Variants in GATAD2A observed in about 807,000 individuals in gnomAD.
The protein encoded by GATAD2A is transcriptional repressor p66-alpha.
In GATAD2A, 12 loss-of-function variants were observed where a neutral mutation model predicts 68.5. The ratio of observed to expected loss-of-function variants is 0.18; its 90% confidence interval spans 0.11 to 0.28. The LOEUF is 0.28. Among genes scored for constraint, GATAD2A ranks in the 10% least tolerant of loss-of-function variants. The pLI is 1.00. For missense variants in GATAD2A, 755 were observed against 868.5 expected (o/e 0.87, Z 1.64); for synonymous variants, 410 against 375.3 (o/e 1.09, Z -1.07).
At chr19:19,402,850 T>C (rs1342859146), upstream of GATAD2A, among the ~76,000 whole-genome samples, 2 of 149,240 alleles carry the variant, frequency 1.3e-5, no homozygotes, top group African/African-American at 2.5e-5. Flanking sequence ...CTTGGCTCAC[T>C]GCAACCTCCG....
intron 1 of GATAD2A, among the ~76,000 whole-genome samples, chr19:19,453,165 C>T (rs1389531246): frequency 2.0e-5 from 3 of 152,146 alleles, no homozygotes; most frequent in Non-Finnish European, 4.4e-5. Flanking sequence ...CCAGGCTGGG[C>T]TTATGCCCCT....
intron 4 of GATAD2A, among the ~76,000 whole-genome samples, chr19:19,493,397 C>T (rs11671253): frequency 0.16 from 23,804 of 152,212 alleles, 1,978 homozygotes; most frequent in Middle Eastern, 0.28. Flanking sequence ...CTGCTGTGTG[C>T]GTCTCAGTCC....
At chr19:19,420,533 G>T (rs1600077703) in intron 1 of GATAD2A, among the ~76,000 whole-genome samples, 2 of 148,350 alleles carry the variant, frequency 1.3e-5, no homozygotes, top group South Asian at 2.1e-4. Flanking sequence ...GTAGAGATGG[G>T]GTTTCACTGT....
chr19:19,443,377 G>C (rs577357202), intron 1 of GATAD2A, among the ~76,000 whole-genome samples: 1 of 152,292 alleles, frequency 6.6e-6, no homozygotes, highest in Admixed American at 6.5e-5. Flanking sequence ...ATGGGAAACA[G>C]GGCAAGCATC....
chr19:19,391,632 CTTG>C (rs1772962149), intron 1 of GATAD2A, among the ~76,000 whole-genome samples: 1 of 152,094 alleles, frequency 6.6e-6, no homozygotes, highest in Admixed American at 6.6e-5. Context: ...GTTTTTTAAA[CTTG>C]TTTTTTTTTA....
intron 1 of GATAD2A, among the ~76,000 whole-genome samples, chr19:19,393,346 GCTTTA>G: frequency 6.6e-6 from 1 of 152,218 alleles, no homozygotes; most frequent in East Asian, 1.9e-4. Context: ...ACACTTAAGA[GCTTTA>G]CTTGTGTGGC....
chr19:19,469,806 G>T (rs1032411306), intron 2 of GATAD2A, among the ~76,000 whole-genome samples: 4 of 152,134 alleles, frequency 2.6e-5, no homozygotes, highest in South Asian at 2.1e-4. Context: ...AATTAGCCAG[G>T]CGTGGTGGCA....
At chr19:19,385,996 C>T (rs2048386293) in exon 1 of GATAD2A, 1 of 150,584 alleles carries the variant, frequency 6.6e-6, no homozygotes, top group African/African-American at 2.4e-5. Flanking sequence ...GGTCGTCTGT[C>T]CTGTCGCCGC....
chr19:19,486,554 C>T (rs2059442372), intron 2 of GATAD2A, among the ~76,000 whole-genome samples: 1 of 152,180 alleles, frequency 6.6e-6, no homozygotes, highest in African/African-American at 2.4e-5. Flanking sequence ...CAAATGACAG[C>T]CTTGGGGCAG....
intron 1 of GATAD2A, among the ~76,000 whole-genome samples, chr19:19,416,917 A>G (rs2050437775): frequency 6.6e-6 from 1 of 151,988 alleles, no homozygotes; most frequent in Non-Finnish European, 1.5e-5. Context: ...ATGCACCACC[A>G]TGCCTGGCTA....
At chr19:19,429,251 G>A (rs2053454754) in intron 1 of GATAD2A, 2 of 984,844 alleles carry the variant, frequency 2.0e-6, no homozygotes, top group Non-Finnish European at 2.4e-6. Context: ...ATGGTGAGGG[G>A]CTGGGGGGGA....
At chr19:19,499,305 T>G (rs2060364552) in intron 8 of GATAD2A, among the ~76,000 whole-genome samples, 1 of 152,066 alleles carries the variant, frequency 6.6e-6, no homozygotes, top group South Asian at 2.1e-4. Context: ...GAGCCCCTGC[T>G]CCCCAGACAT....
At chr19:19,474,985 C>G (rs1318639022) in intron 2 of GATAD2A, among the ~76,000 whole-genome samples, 1 of 152,248 alleles carries the variant, frequency 6.6e-6, no homozygotes, top group Non-Finnish European at 1.5e-5. Flanking sequence ...GCCCACTGCC[C>G]CTTGTGCTAG....
At chr19:19,417,518 G>A (rs537737328) in intron 1 of GATAD2A, among the ~76,000 whole-genome samples, 4 of 152,078 alleles carry the variant, frequency 2.6e-5, no homozygotes, top group African/African-American at 7.2e-5. Context: ...TGTTGGGTGC[G>A]GGGGGTGGAG....
At chr19:19,388,232 T>G (rs1281769584) in intron 1 of GATAD2A, among the ~76,000 whole-genome samples, 1 of 152,018 alleles carries the variant, frequency 6.6e-6, no homozygotes, top group Non-Finnish European at 1.5e-5. Context: ...TAATTTTGTA[T>G]TTTTAGTAGA....
intron 2 of GATAD2A, among the ~76,000 whole-genome samples, chr19:19,487,555 C>T (rs186770414): frequency 3.3e-5 from 5 of 152,154 alleles, no homozygotes; most frequent in Admixed American, 2.0e-4. Context: ...ACCAGCCAGC[C>T]CTTCTTGGGA....
intron 1 of GATAD2A, among the ~76,000 whole-genome samples, chr19:19,421,675 G>A (rs2070817569): frequency 6.6e-6 from 1 of 152,186 alleles, no homozygotes; most frequent in African/African-American, 2.4e-5. Flanking sequence ...ATCCTAGTCC[G>A]TGTTGGACAT....
chr19:19,419,877 A>G lies in GATAD2A; in HGVS notation c.-7+13858A>G, dbSNP rs1023453213. Reference sequence around the variant, plus strand: ...GCCTTGGGAAGGATCCAGTCCTAGGACCGTCTCAATCAGATTGTTCTCAAT... The same window carrying G: ...GCCTTGGGAAGGATCCAGTCCTAGGGCCGTCTCAATCAGATTGTTCTCAAT... On this transcript the variant is annotated intron_variant, in intron 1 of 11. Transcript: ENST00000683918. Among the ~76,000 whole-genome samples the G allele has an allele frequency of 2.0e-5, 3 of 151,944 alleles. No individual in the cohort carries two copies. In the East Asian group the frequency reaches 5.8e-4, roughly 29 times the overall value.
At chr19:19,422,672 G>A (rs1011259323) in intron 1 of GATAD2A, among the ~76,000 whole-genome samples, 2 of 151,768 alleles carry the variant, frequency 1.3e-5, no homozygotes, top group African/African-American at 4.8e-5. Context: ...GAGGTGTGGA[G>A]TATGTGTACA....
Sources: allele counts gnomAD v4.1 joint callset (sites outside exome capture counted in the v4.1 genomes callset), GRCh38; gene constraint gnomAD v4.1.1; transcripts MANE v1.5; gene names NCBI Gene and HGNC (gene_info 2026-07-23, HGNC 2026-07-21).